CACNA1E: variants seen among roughly 807,000 people sequenced by gnomAD.
CACNA1E encodes calcium voltage-gated channel subunit alpha1 E, also known as voltage-dependent R-type calcium channel subunit alpha-1E.
A neutral mutation model predicts 259.2 loss-of-function variants in CACNA1E; 40 were observed. That is an observed-to-expected ratio of 0.15 (90% CI 0.12 to 0.20). The LOEUF (loss-of-function observed/expected upper bound fraction) is 0.20. Among genes scored for constraint, CACNA1E ranks in the 10% least tolerant of loss-of-function variants. CACNA1E has a pLI of 1.00. For missense variants in CACNA1E, 1,874 were observed against 3,040.1 expected (o/e 0.62, Z 9.02); for synonymous variants, 1,104 against 1,138.5 (o/e 0.97, Z 0.61).
Position 181,742,748 on chromosome 1 carries a change from C to T in CACNA1E, c.3719+3495C>T, listed in dbSNP as rs575984982. Among the ~76,000 whole-genome samples the T allele has an allele frequency of 1.1e-4, 17 of 152,292 alleles. No individual in the cohort carries two copies. The East Asian group carries it at 2.1e-3, about 19-fold the overall frequency. The stretch of plus-strand genomic sequence containing the variant: ...TGTCCCCTGAGCCCTCCTGCCGAGG[C>T]GTGTGCCTGCCACCATGTATGTTTT... On this transcript the variant is annotated intron_variant, in intron 25 of 47. Transcript: ENST00000367573.
chr1:181,537,940 T>C (rs1036653983), intron 3 of CACNA1E, among the ~76,000 whole-genome samples: 2 of 152,206 alleles, frequency 1.3e-5, no homozygotes, highest in Admixed American at 6.5e-5. Flanking sequence ...GCATAGTACC[T>C]GAAATATATT....
chr1:181,609,835 G>A (rs1388964644), intron 6 of CACNA1E, among the ~76,000 whole-genome samples: 1 of 152,158 alleles, frequency 6.6e-6, no homozygotes, highest in Non-Finnish European at 1.5e-5. Context: ...CTGACAAGCA[G>A]TACGCTGGAT....
intron 6 of CACNA1E, among the ~76,000 whole-genome samples, chr1:181,588,509 A>T (rs912123027): frequency 1.3e-5 from 2 of 152,054 alleles, no homozygotes; most frequent in Non-Finnish European, 2.9e-5. Context: ...AGCAGTCTCC[A>T]CCCTGAAGTT....
chr1:181,481,359 C>A (rs2102453473), upstream of CACNA1E, among the ~76,000 whole-genome samples: 1 of 152,078 alleles, frequency 6.6e-6, no homozygotes. Context: ...CACACACACA[C>A]ACACACACAC....
At chr1:181,661,393 G>A (rs1317917217) in intron 7 of CACNA1E, among the ~76,000 whole-genome samples, 1 of 152,182 alleles carries the variant, frequency 6.6e-6, no homozygotes, top group Admixed American at 6.5e-5. Flanking sequence ...TCCAGGAGGT[G>A]TTGGGGGCCA....
intron 1 of CACNA1E, among the ~76,000 whole-genome samples, chr1:181,410,036 CGAG>C (rs1225028011): frequency 6.6e-6 from 1 of 151,786 alleles, no homozygotes; most frequent in African/African-American, 2.4e-5. Context: ...CAGACAGACA[CGAG>C]GGAAAGGAGG....
rs201388697 is a variant in CACNA1E, at chr1:181,391,945, C to CTGTG, written c.-14-21156_-14-21153dup. 1.5e-3 allele frequency among the ~76,000 whole-genome samples: 182 copies of CTGTG among 118,260 alleles called. 3 individuals are homozygous for CTGTG. The highest frequency in any genetic ancestry group is 3.5e-3 in the South Asian group (14 of 3,948). 77.6% of individuals were successfully genotyped at this position (118,260 alleles called of 152,430 possible). The stretch of plus-strand genomic sequence containing the variant: ...TCTCTGTCTCTCTCTCTCTCTCTCT[C>CTGTG]TGTGTGTGTGTGTGTGTGTGTGTGT... On this transcript the variant is annotated intron_variant, in intron 1 of 11. Coordinates refer to the CACNA1E transcript ENST00000524607.
chr1:181,745,142 T>C (rs1369375427), intron 25 of CACNA1E, among the ~76,000 whole-genome samples: 4 of 151,898 alleles, frequency 2.6e-5, no homozygotes, highest in Non-Finnish European at 4.4e-5. Context: ...AGGGAGTGAG[T>C]GTCTGAAAGG....
chr1:181,404,168 C>T (rs1248051379), intron 1 of CACNA1E, among the ~76,000 whole-genome samples: 4 of 152,250 alleles, frequency 2.6e-5, no homozygotes, highest in South Asian at 4.1e-4. Context: ...GCCCATCCCC[C>T]AAACTGTACG....
chr1:181,344,756 C>A (rs1432057949), intron 1 of CACNA1E, among the ~76,000 whole-genome samples: 1 of 152,150 alleles, frequency 6.6e-6, no homozygotes, highest in Non-Finnish European at 1.5e-5. Context: ...GATAGAGGGC[C>A]CTTTCTTGGC....
At position 181,776,376 on chromosome 1, in the gene CACNA1E, T is replaced by C; in HGVS notation, c.5267+148T>C. ...CTTGATTGTGGCCCATAGAAGAGGC[T>C]CTGGTATCAAGCCAGTCACCAAGGA... On this transcript the variant is annotated intron_variant, in intron 38 of 47. Transcript: ENST00000367573. This position sits in a 1 kb window ranked among gnomAD's most constrained non-coding sequence, Gnocchi z 4.4. 2.6e-6 allele frequency: 2 copies of C among 761,488 alleles called. No homozygotes were observed. The highest frequency in any genetic ancestry group is 2.2e-6 in the Non-Finnish European group (1 of 459,126). The allele number at this position is 761,488 out of a possible 1,614,324, so 47.2% of individuals were successfully genotyped here. A position where few individuals can be genotyped will look rare whatever the true frequency, so the allele number is the denominator to read the frequency against.
At chr1:181,407,348 CT>C (rs1015176049) in intron 1 of CACNA1E, among the ~76,000 whole-genome samples, 1 of 152,158 alleles carries the variant, frequency 6.6e-6, no homozygotes, top group African/African-American at 2.4e-5. Flanking sequence ...GAGAAGGACA[CT>C]GTTCTAGTGG....
intron 25 of CACNA1E, among the ~76,000 whole-genome samples, chr1:181,747,962 C>G (rs1657249387): frequency 6.6e-6 from 1 of 152,166 alleles, no homozygotes; most frequent in Non-Finnish European, 1.5e-5. Context: ...TTATTCAGTA[C>G]TCTTTTCATT....
At chr1:181,730,877 C>A (rs1052937322) in intron 18 of CACNA1E, among the ~76,000 whole-genome samples, 1 of 152,194 alleles carries the variant, frequency 6.6e-6, no homozygotes, top group Non-Finnish European at 1.5e-5. Context: ...AGTTTGCGTG[C>A]CTGTGAGGCA....
At chr1:181,478,655 G>A (rs1663024964), upstream of CACNA1E, among the ~76,000 whole-genome samples, 1 of 152,240 alleles carries the variant, frequency 6.6e-6, no homozygotes, top group African/African-American at 2.4e-5. Context: ...GGGGGAAGAT[G>A]AAGGAGCAGG....
chr1:181,342,542 C>T (rs1317061996), intron 1 of CACNA1E, among the ~76,000 whole-genome samples: 1 of 152,140 alleles, frequency 6.6e-6, no homozygotes, highest in African/African-American at 2.4e-5. Flanking sequence ...GATGAATTTC[C>T]TAAATATCAT....
intron 1 of CACNA1E, among the ~76,000 whole-genome samples, chr1:181,345,132 G>A (rs914826460): frequency 6.6e-6 from 1 of 152,254 alleles, no homozygotes; most frequent in Non-Finnish European, 1.5e-5. Context: ...TGCAGCCTGG[G>A]TGCCTCCTTC....
At chr1:181,531,344 A>G (rs1364965056) in intron 3 of CACNA1E, among the ~76,000 whole-genome samples, 1 of 151,926 alleles carries the variant, frequency 6.6e-6, no homozygotes, top group African/African-American at 2.4e-5. Context: ...ACTTATCTGC[A>G]TTTTCCCTCC....
chr1:181,436,531 TAGAA>T (rs1198935164), intron 2 of CACNA1E, among the ~76,000 whole-genome samples: 7 of 152,314 alleles, frequency 4.6e-5, no homozygotes, highest in African/African-American at 1.7e-4. Context: ...CTTTCAGCCT[TAGAA>T]AGAAGAAAAT....
Sources: allele counts gnomAD v4.1 joint callset (sites outside exome capture counted in the v4.1 genomes callset), GRCh38; gene constraint gnomAD v4.1.1; non-coding constraint Gnocchi (gnomAD v3.1); transcripts MANE v1.5; gene names NCBI Gene and HGNC (gene_info 2026-07-23, HGNC 2026-07-21).